The following CSMD1 variants were observed in gnomAD, a reference collection of about 807,000 sequenced individuals.
CSMD1 encodes CUB and sushi domain-containing protein 1.
Under a neutral mutation model 417.5 loss-of-function variants are expected in CSMD1, and 213 were observed. The ratio of observed to expected loss-of-function variants is 0.51; its 90% CI spans 0.46 to 0.57. CSMD1 has a LOEUF of 0.57. Among genes scored for constraint, CSMD1 ranks in the 20% least tolerant of loss-of-function variants. The pLI, the probability that CSMD1 is intolerant of heterozygous loss-of-function variation, is 0.00. For missense variants in CSMD1, 6,923 were observed against 4,529.7 expected (o/e 1.53, Z -15.17); for synonymous variants, 2,862 against 1,736.8 (o/e 1.65, Z -16.11).
chr8:3,714,449 A>C (rs1440956474), intron 6 of CSMD1, among the ~76,000 whole-genome samples: 1 of 150,818 alleles, frequency 6.6e-6, no homozygotes, highest in Non-Finnish European at 1.5e-5. Context: ...TTGACCAGGC[A>C]TGGTGGTTCA....
intron 5 of CSMD1, among the ~76,000 whole-genome samples, chr8:3,844,792 CT>C (rs1321903889): frequency 1.3e-5 from 2 of 152,140 alleles, no homozygotes; most frequent in Non-Finnish European, 2.9e-5. Flanking sequence ...TCTGCCACTT[CT>C]GTTCATAGAA....
chr8:3,640,110 C>G (rs1444912901), intron 7 of CSMD1, among the ~76,000 whole-genome samples: 1 of 151,580 alleles, frequency 6.6e-6, no homozygotes, highest in Non-Finnish European at 1.5e-5. Flanking sequence ...ATGTAGAGGT[C>G]CTTTTTTCCA....
intron 1 of CSMD1, among the ~76,000 whole-genome samples, chr8:4,947,640 C>T (rs979718554): frequency 6.6e-6 from 1 of 152,070 alleles, no homozygotes; most frequent in African/African-American, 2.4e-5. Flanking sequence ...CCCCCAGTGA[C>T]AGATAACCAC....
chr8:3,807,043 C>A (rs1247909918), intron 5 of CSMD1, among the ~76,000 whole-genome samples: 1 of 152,072 alleles, frequency 6.6e-6, no homozygotes, highest in Non-Finnish European at 1.5e-5. Flanking sequence ...CAGTCTGACT[C>A]ACAAGTCTGG....
At chr8:4,337,097 C>A (rs151134343) in intron 3 of CSMD1, among the ~76,000 whole-genome samples, 1 of 152,084 alleles carries the variant, frequency 6.6e-6, no homozygotes, top group Non-Finnish European at 1.5e-5. Context: ...GCCAACGTTG[C>A]GGCCACGTAC....
intron 10 of CSMD1, among the ~76,000 whole-genome samples, chr8:3,540,086 C>T (rs924422033): frequency 6.6e-6 from 1 of 152,174 alleles, no homozygotes; most frequent in Non-Finnish European, 1.5e-5. Context: ...ATAGGCTTCT[C>T]TGTGATTCTA....
At chr8:4,075,743 G>C (rs1384436688) in intron 3 of CSMD1, among the ~76,000 whole-genome samples, 1 of 152,112 alleles carries the variant, frequency 6.6e-6, no homozygotes, top group African/African-American at 2.4e-5. Flanking sequence ...CTCAGGTTGT[G>C]TGTCCCTTTC....
chr8:4,526,229 A>T (rs1474962611), intron 2 of CSMD1, among the ~76,000 whole-genome samples: 1 of 152,236 alleles, frequency 6.6e-6, no homozygotes, highest in African/African-American at 2.4e-5. Context: ...ACATTTGATT[A>T]TAATACTAGA....
At position 3,324,904 on chromosome 8, in the gene CSMD1, T is replaced by A. The variant is rs564864970; in HGVS notation, c.3632-16401A>T. Among the ~76,000 whole-genome samples the A allele has an allele frequency of 3.6e-3, 553 of 152,310 alleles. 1 individual carries two copies. Among genetic ancestry groups the A allele is most frequent in the Non-Finnish European group, 5.1e-3 (348 of 68,036 alleles). On this transcript the variant is annotated intron_variant, in intron 23 of 69. Coordinates refer to ENST00000635120, the MANE Select transcript of CSMD1 (RefSeq NM_033225.6). ...TATGTTTTCATGTTCCTCGGTCTAGTTGCCTGGCACTGGAATTTAATTGAC... is the reference window on the plus strand; with the variant it reads ...TATGTTTTCATGTTCCTCGGTCTAGATGCCTGGCACTGGAATTTAATTGAC...
intron 12 of CSMD1, among the ~76,000 whole-genome samples, chr8:3,420,757 T>C (rs1813437986): frequency 2.0e-5 from 3 of 152,184 alleles, no homozygotes; most frequent in African/African-American, 4.8e-5. Flanking sequence ...TATGGAATAC[T>C]AAGACTTTGA....
chr8:3,304,949 T>C (rs1804709992), intron 25 of CSMD1, among the ~76,000 whole-genome samples: 1 of 152,214 alleles, frequency 6.6e-6, no homozygotes, highest in Admixed American at 6.5e-5. Context: ...CATAGATGAT[T>C]TCTACAACTT....
intron 12 of CSMD1, among the ~76,000 whole-genome samples, chr8:3,459,113 G>A (rs777197180): frequency 1.3e-5 from 2 of 152,236 alleles, no homozygotes; most frequent in Admixed American, 6.5e-5. Flanking sequence ...CAAGCACACA[G>A]CATGCTACAC....
chr8:4,458,725 A>G (rs1211817359), intron 2 of CSMD1, among the ~76,000 whole-genome samples: 1 of 152,192 alleles, frequency 6.6e-6, no homozygotes, highest in African/African-American at 2.4e-5. Flanking sequence ...TTAGTGGGAA[A>G]AATATTCTCC....
At chr8:3,768,256 C>G (rs1432506964) in intron 5 of CSMD1, among the ~76,000 whole-genome samples, 6 of 152,114 alleles carry the variant, frequency 3.9e-5, no homozygotes, top group African/African-American at 1.4e-4. Flanking sequence ...GAGACGTATT[C>G]CCGGGCCAAG....
chr8:4,341,773 T>C (rs1001007459), intron 3 of CSMD1, among the ~76,000 whole-genome samples: 1 of 152,096 alleles, frequency 6.6e-6, no homozygotes, highest in African/African-American at 2.4e-5. Flanking sequence ...GTCAATAATA[T>C]TGTGCAGATT....
intron 42 of CSMD1, among the ~76,000 whole-genome samples, chr8:3,116,844 T>C (rs989657743): frequency 6.6e-6 from 1 of 152,100 alleles, no homozygotes; most frequent in Non-Finnish European, 1.5e-5. Flanking sequence ...GTTTCAATCC[T>C]GATAATTTCA....
intron 2 of CSMD1, among the ~76,000 whole-genome samples, chr8:4,480,409 C>T (rs1222306221): frequency 6.6e-6 from 1 of 152,086 alleles, no homozygotes; most frequent in Non-Finnish European, 1.5e-5. Flanking sequence ...GTTTGTAAAG[C>T]GCGTTAACAT....
intron 1 of CSMD1, among the ~76,000 whole-genome samples, chr8:4,948,301 A>T (rs1585388285): frequency 6.6e-6 from 1 of 152,020 alleles, no homozygotes; most frequent in African/African-American, 2.4e-5. Context: ...TGTTAGGTAT[A>T]GTTGTTATTT....
rs756661263 is a variant in CSMD1, at chr8:4,976,027, G to A, written c.85+18305C>T. On this transcript the variant is annotated intron_variant, in intron 1 of 69. Transcript: ENST00000635120. The stretch of plus-strand genomic sequence containing the variant: ...CTTTCTGGTTTGGACTGGAGCTTTT[G>A]TTTACTTGCAGGTAATAATTTCTTA... Among the ~76,000 whole-genome samples, 15 of 152,310 alleles carry A rather than the reference G, an allele frequency of 9.8e-5. No individual in the cohort carries two copies. In the South Asian group the frequency reaches 1.7e-3, roughly 17 times the overall value.
Sources: allele counts gnomAD v4.1 joint callset (sites outside exome capture counted in the v4.1 genomes callset), GRCh38; gene constraint gnomAD v4.1.1; transcripts MANE v1.5; gene names NCBI Gene and HGNC (gene_info 2026-07-23, HGNC 2026-07-21).